The following PTH1R variants were observed in gnomAD, a reference collection of about 807,000 sequenced individuals.
PTH1R encodes parathyroid hormone/parathyroid hormone-related peptide receptor.
A neutral mutation model predicts 70.7 loss-of-function variants in PTH1R; 32 were observed. The ratio of observed to expected loss-of-function variants is 0.45; its 90% CI spans 0.34 to 0.61. The LOEUF is 0.61. Ranked by LOEUF, PTH1R falls within the 20% of genes least tolerant of loss-of-function variation. The pLI is 0.01. For synonymous variants in PTH1R, 329 were observed against 324.8 expected (o/e 1.01, Z -0.14); for missense variants, 626 against 792.5 (o/e 0.79, Z 2.52).
Position 46,901,647 on chromosome 3 carries a change from A to G in PTH1R, c.1117-119A>G. 1 of 1,385,408 alleles carries G rather than the reference A, an allele frequency of 7.2e-7. No homozygotes were observed. The highest frequency in any genetic ancestry group is 1.0e-6 in the Non-Finnish European group (1 of 986,536). The allele number at this position is 1,385,408 out of a possible 1,614,324, so 85.8% of individuals were successfully genotyped here. On this transcript the variant is annotated intron_variant, in intron 12 of 15. Transcript: ENST00000449590. The surrounding 1 kb of genome is among the most constrained non-coding windows in gnomAD (Gnocchi z 7.3). ...CACTCCAGCCCAGAAAGGAAAACCAAGGGCTCAAGGAGCCACCCAGAGATG... is the reference window on the plus strand; with the variant it reads ...CACTCCAGCCCAGAAAGGAAAACCAGGGGCTCAAGGAGCCACCCAGAGATG...
In PTH1R at chr3:46,903,408, G is replaced by A. The variant is rs1198622172; in HGVS notation, c.1534G>A (p.Val512Met). 1 of 1,613,342 alleles carries A rather than the reference G, an allele frequency of 6.2e-7. No individual in the cohort carries two copies. Among genetic ancestry groups the A allele is most frequent in the African/African-American group, 1.3e-5 (1 of 75,062 alleles). ...HTSVTNVGPR[V>M]GLGLPLSPRL... is the part of the protein sequence containing the mutation. ...AAGTGTGACCAATGTCGGCCCCCGT[G>A]TGGGACTCGGCCTGCCCCTCAGCCC... Residue 512 changes from valine (V) to methionine (M), a missense_variant, in exon 16 of 16, where the codon GTG becomes ATG. By Grantham distance (21) the Val-to-Met change is conservative. Coordinates refer to ENST00000449590, the MANE Select transcript of PTH1R (RefSeq NM_000316.3). The surrounding 1 kb of genome is among the most constrained non-coding windows in gnomAD (Gnocchi z 4.4).
chr3:46,889,824 CT>C lies in PTH1R; in HGVS notation c.76-4082del, dbSNP rs1221474125. On this transcript the variant is annotated intron_variant, in intron 3 of 15. Coordinates refer to ENST00000449590, the MANE Select transcript of PTH1R (RefSeq NM_000316.3). Reference sequence around the variant, plus strand: ...AGCCCCAGTCCCTCAGTCCTCACCCCTGAGACCCAAGATCTGCAGATCCGCT... The same window carrying C: ...AGCCCCAGTCCCTCAGTCCTCACCCCGAGACCCAAGATCTGCAGATCCGCT... 5.3e-5 allele frequency among the ~76,000 whole-genome samples: 8 copies of C among 152,296 alleles called. No homozygotes were observed. In the East Asian group the frequency reaches 1.4e-3, roughly 26 times the overall value.
In PTH1R at chr3:46,883,611, G is replaced by C. The variant is rs772304416; in HGVS notation, c.52G>C (p.Val18Leu). 2.6e-6 allele frequency: 4 copies of C among 1,544,250 alleles called. No homozygotes were observed. Among genetic ancestry groups the C allele is most frequent in the Middle Eastern group, 1.7e-4 (1 of 5,972 alleles). The change falls in exon 3 of 16, where the codon GTG becomes CTG. Residue 18 changes from valine to leucine, a missense_variant. Transcript: ENST00000449590. The surrounding 1 kb of genome is among the most constrained non-coding windows in gnomAD (Gnocchi z 6.4). ...CCTGGCGCTCCTGCTCTGCTGCCCC[G>C]TGCTCAGCTCCGCGTACGCGCTGGT... The part of the protein sequence containing the change: ...PGLALLLCCP[V>L]LSSAYALVDA...
At position 46,883,744 on chromosome 3, in the gene PTH1R, G is replaced by T. The variant is rs149087775; in HGVS notation, c.75+110G>T. Reference sequence around the variant, plus strand: ...AGTTCCCCCAGTAGTTCGAACTTTGGGTGAGAGTCCCCTCTGATCCAGGAT... The same window carrying T: ...AGTTCCCCCAGTAGTTCGAACTTTGTGTGAGAGTCCCCTCTGATCCAGGAT... On this transcript the variant is annotated intron_variant, in intron 3 of 15. Coordinates refer to ENST00000449590, the MANE Select transcript of PTH1R (RefSeq NM_000316.3). The surrounding 1 kb of genome is among the most constrained non-coding windows in gnomAD (Gnocchi z 6.4). 589 of 1,270,914 alleles carry T rather than the reference G, an allele frequency of 4.6e-4. 5 individuals carry two copies. In the African/African-American group the frequency reaches 8.0e-3, roughly 17 times the overall value. 78.7% of individuals were successfully genotyped at this position (1,270,914 alleles called of 1,614,324 possible).
chr3:46,903,124 T>C lies in PTH1R; in HGVS notation c.1396-146T>C. The C allele has an allele frequency of 6.9e-7, 1 of 1,453,908 alleles. No individual in the cohort carries two copies. The highest frequency in any genetic ancestry group is 9.4e-7 in the Non-Finnish European group (1 of 1,068,012). The allele number at this position is 1,453,908 out of a possible 1,614,324, so 90.1% of individuals were successfully genotyped here. On this transcript the variant is annotated intron_variant, in intron 15 of 15. Transcript: ENST00000449590. The surrounding 1 kb of genome is among the most constrained non-coding windows in gnomAD (Gnocchi z 4.4). ...GGCTGCCTGTAGCCAAACACCCTGTTGTGAGGATGGGATTTCACTTGGCCT... is the reference window on the plus strand; with the variant it reads ...GGCTGCCTGTAGCCAAACACCCTGTCGTGAGGATGGGATTTCACTTGGCCT...
rs2030432183 is a variant in PTH1R, at chr3:46,879,612, T to C, written c.-105-1450T>C. Among the ~76,000 whole-genome samples the C allele has an allele frequency of 6.6e-6, 1 of 152,110 alleles. No homozygotes were observed. Among genetic ancestry groups the C allele is most frequent in the Non-Finnish European group, 1.5e-5 (1 of 68,032 alleles). On this transcript the variant is annotated intron_variant, in intron 1 of 15. Transcript: ENST00000449590. The surrounding 1 kb of genome is among the most constrained non-coding windows in gnomAD (Gnocchi z 4.7). ...AAATTTTTTAATTACCCAGGTGTGG[T>C]AGCTCATGCCTGTGGTGCCAGCTAC...
chr3:46,903,153 A>G lies in PTH1R; in HGVS notation c.1396-117A>G. 1 of 1,533,920 alleles carries G rather than the reference A, an allele frequency of 6.5e-7. No individual in the cohort carries two copies. The highest frequency in any genetic ancestry group is 8.8e-7 in the Non-Finnish European group (1 of 1,135,410). Reference sequence around the variant, plus strand: ...AGGATGGGATTTCACTTGGCCTTGGAGTTTCCCAGGAGTCCCCTATTCCCA... The same window carrying G: ...AGGATGGGATTTCACTTGGCCTTGGGGTTTCCCAGGAGTCCCCTATTCCCA... On this transcript the variant is annotated intron_variant, in intron 15 of 15. Coordinates refer to ENST00000449590, the MANE Select transcript of PTH1R (RefSeq NM_000316.3). This position sits in a 1 kb window ranked among gnomAD's most constrained non-coding sequence, Gnocchi z 4.4.
chr3:46,897,189 C>T (rs1296555299), intron 5 of PTH1R, among the ~76,000 whole-genome samples: 2 of 152,172 alleles, frequency 1.3e-5, no homozygotes, highest in East Asian at 1.9e-4. Flanking sequence ...GAGAGAAAGG[C>T]GAGAGGCCTG....
chr3:46,889,442 G>A (rs1270504186), intron 3 of PTH1R, among the ~76,000 whole-genome samples: 1 of 152,142 alleles, frequency 6.6e-6, no homozygotes, highest in Non-Finnish European at 1.5e-5. Flanking sequence ...GTGTGGCTGG[G>A]CACTTCCTCC....
intron 10 of PTH1R, 100 bp downstream of exon 10, chr3:46,899,556 C>A: frequency 1.4e-6 from 2 of 1,458,736 alleles, no homozygotes; most frequent in Non-Finnish European, 1.9e-6. Context: ...CAGCACATCC[C>A]GCCCCAAGTG....
intron 1 of PTH1R, among the ~76,000 whole-genome samples, chr3:46,878,461 G>A (rs181915774): frequency 2.6e-5 from 4 of 152,204 alleles, no homozygotes; most frequent in Non-Finnish European, 5.9e-5. Flanking sequence ...CCTGAGGCTG[G>A]GGCTCATGAT....
Position 46,898,153 on chromosome 3 carries a change from C to T in PTH1R, c.504C>T (p.Ser168=). ...ACAACAGGACGTGGGCCAACTACAG[C>T]GAGTGTGTCAAATTTCTCACCAATG... The part of the protein sequence containing the change: ...PGHNRTWANY[S]ECVKFLTNET... The change falls in exon 7 of 16, where the codon AGC becomes AGT. Residue 168 remains serine, a synonymous_variant. Coordinates refer to ENST00000449590, the MANE Select transcript of PTH1R (RefSeq NM_000316.3). 1 of 1,614,192 alleles carries T rather than the reference C, an allele frequency of 6.2e-7. No homozygotes were observed. The highest frequency in any genetic ancestry group is 8.5e-7 in the Non-Finnish European group (1 of 1,180,028).
rs75042529 is a variant in PTH1R at position 46,893,154 on chromosome 3, G to A, written c.76-753G>A. On this transcript the variant is annotated intron_variant, in intron 3 of 15. Coordinates refer to ENST00000449590, the MANE Select transcript of PTH1R (RefSeq NM_000316.3). The surrounding 1 kb of genome is among the most constrained non-coding windows in gnomAD (Gnocchi z 5.2). ...CCAGGGTGTGCAGGTTGGAGGGAAG[G>A]GAAAGGACATTCCAGGCAGAGAACA... Among the ~76,000 whole-genome samples the A allele has an allele frequency of 8.5e-3, 1,293 of 152,138 alleles. 20 individuals are homozygous for A. The highest frequency in any genetic ancestry group is 0.029 in the African/African-American group (1,191 of 41,494).
At chr3:46,888,701 C>T (rs557795930) in intron 3 of PTH1R, among the ~76,000 whole-genome samples, 1 of 152,300 alleles carries the variant, frequency 6.6e-6, no homozygotes, top group Admixed American at 6.5e-5. Context: ...TAGTGGGATC[C>T]CATTCTGCTG....
chr3:46,902,689 C>T lies in PTH1R; in HGVS notation c.1353+22C>T. ...CCAGGTGCGCAGTGCTGGCCCGGGC[C>T]TGGCTGAGGGTGGGAGGGGTTCCGG... On this transcript the variant is annotated intron_variant, in intron 14 of 15. Transcript: ENST00000449590. The surrounding 1 kb of genome is among the most constrained non-coding windows in gnomAD (Gnocchi z 5.4). 6.2e-7 allele frequency: 1 copy of T among 1,613,738 alleles called. No homozygotes were observed. Among genetic ancestry groups the T allele is most frequent in the African/African-American group, 1.3e-5 (1 of 74,986 alleles).
In PTH1R at chr3:46,903,499, C is replaced by A; in HGVS notation, c.1625C>A (p.Thr542Asn). ...PQLPGHAKPGTPALETLETTP... is the reference protein window; with the variant it reads ...PQLPGHAKPGNPALETLETTP... ...CTGCCTGGCCATGCCAAGCCAGGGA[C>A]CCCAGCCCTGGAGACCCTCGAGACC... Residue 542 changes from threonine (T) to asparagine (N), a missense_variant, in exon 16 of 16, where the codon ACC becomes AAC. Thr to Asn is a moderately conservative substitution (Grantham distance 65, BLOSUM62 0). Around this residue, in one of 3 missense-constraint regions of PTH1R, gnomAD observed 495 missense variants for 638.7 expected, o/e 0.77. Transcript: ENST00000449590. The surrounding 1 kb of genome is among the most constrained non-coding windows in gnomAD (Gnocchi z 4.4). The A allele has an allele frequency of 6.2e-7, 1 of 1,613,904 alleles. No individual in the cohort carries two copies. Among genetic ancestry groups the A allele is most frequent in the Non-Finnish European group, 8.5e-7 (1 of 1,180,012 alleles).
At position 46,903,719 on chromosome 3, in the gene PTH1R, G is replaced by A. The variant is rs1196130825; in HGVS notation, c.*63G>A. 41 of 1,598,122 alleles carry A rather than the reference G, an allele frequency of 2.6e-5. No homozygotes were observed. Among genetic ancestry groups the A allele is most frequent in the Non-Finnish European group, 3.3e-5 (39 of 1,178,704 alleles). On this transcript the variant is annotated 3_prime_UTR_variant, in exon 16 of 16. Coordinates refer to ENST00000449590, the MANE Select transcript of PTH1R (RefSeq NM_000316.3). This position sits in a 1 kb window ranked among gnomAD's most constrained non-coding sequence, Gnocchi z 4.4. ...GGACAGATGGACCAAAAGATGGGTG[G>A]TTGAATGATTTCCCACTCAGGGCTG...
At chr3:46,898,506 G>A (rs1287249821) in intron 8 of PTH1R, 34 bp downstream of exon 8, 3 of 1,609,828 alleles carry the variant, frequency 1.9e-6, no homozygotes, top group Non-Finnish European at 2.5e-6. Flanking sequence ...GGCGGGACAT[G>A]GTGGAGGGGG....
chr3:46,881,424 G>C (rs1430834487), intron 2 of PTH1R, among the ~76,000 whole-genome samples: 1 of 152,180 alleles, frequency 6.6e-6, no homozygotes, highest in African/African-American at 2.4e-5. Flanking sequence ...CGAGCCGGCC[G>C]ATAGCTTTTG....
Sources: allele counts gnomAD v4.1 joint callset (sites outside exome capture counted in the v4.1 genomes callset), GRCh38; gene constraint gnomAD v4.1.1; regional missense constraint gnomAD v4.1.1; non-coding constraint Gnocchi (gnomAD v3.1); transcripts MANE v1.5; gene names NCBI Gene and HGNC (gene_info 2026-07-23, HGNC 2026-07-21).